MYO5B: variants seen among roughly 807,000 people sequenced by gnomAD.
The protein encoded by MYO5B is unconventional myosin-Vb.
In MYO5B, 143 loss-of-function variants were observed where a neutral mutation model predicts 229.3. That is an observed-to-expected ratio of 0.62 (90% confidence interval 0.54 to 0.72). MYO5B has a LOEUF of 0.72. Among genes scored for constraint, MYO5B ranks in the 30% least tolerant of loss-of-function variants. The pLI, the probability that MYO5B is intolerant of heterozygous loss-of-function variation, is 0.00. For synonymous variants in MYO5B, 918 were observed against 885.2 expected (o/e 1.04, Z -0.66); for missense variants, 2,321 against 2,331.0 (o/e 1.00, Z 0.09).
chr18:49,920,586 A>G (rs1467282297), intron 17 of MYO5B, among the ~76,000 whole-genome samples: 1 of 152,104 alleles, frequency 6.6e-6, no homozygotes, highest in Admixed American at 6.5e-5. Flanking sequence ...AAGGAAACAC[A>G]ATTCCTCCCC....
chr18:49,898,246 A>G (rs1420614105), intron 21 of MYO5B, among the ~76,000 whole-genome samples: 2 of 152,250 alleles, frequency 1.3e-5, no homozygotes, highest in Non-Finnish European at 2.9e-5. Flanking sequence ...ACATATATGC[A>G]TGATTACATA....
Position 49,837,730 on chromosome 18 carries a change from G to A in MYO5B, c.4925C>T (p.Ser1642Phe). Residue 1642 changes from serine (S) to phenylalanine (F), a missense_variant, in exon 37 of 40, where the codon TCC becomes TTC. This residue lies in a region of MYO5B where 208 missense variants were observed against 286.3 expected (regional missense o/e 0.73). Transcript: ENST00000285039. ...GVKPTGYRKRSSSMADGDNSY... is the reference protein window; with the variant it reads ...GVKPTGYRKRFSSMADGDNSY... ...GTTATCCCCATCTGCCATGCTGGAG[G>A]AGCGCTTCCGGTAGCCGGTGGGCTT... The A allele has an allele frequency of 6.2e-7, 1 of 1,614,186 alleles. No homozygotes were observed. The highest frequency in any genetic ancestry group is 8.5e-7 in the Non-Finnish European group (1 of 1,180,036).
intron 25 of MYO5B, 58 bp downstream of exon 25, chr18:49,877,705 G>GA (rs2024542203): frequency 2.5e-6 from 4 of 1,610,808 alleles, no homozygotes; most frequent in Non-Finnish European, 3.4e-6. Context: ...GTTCCACACA[G>GA]AAAAAAACAC....
rs144408151 is a variant in MYO5B at position 50,186,611 on chromosome 18, G to T, written c.27+8156C>A. 1.6e-3 allele frequency among the ~76,000 whole-genome samples: 240 copies of T among 152,204 alleles called. 1 individual carries two copies. Among genetic ancestry groups the T allele is most frequent in the Non-Finnish European group, 2.7e-3 (186 of 68,002 alleles). On this transcript the variant is annotated intron_variant, in intron 1 of 39. Transcript: ENST00000285039. Reference sequence around the variant, plus strand: ...TTCAGGACAGCAGGGAAGGGTTAGGGGAAAAAACATGCTAGCCACATAATG... The same window carrying T: ...TTCAGGACAGCAGGGAAGGGTTAGGTGAAAAAACATGCTAGCCACATAATG...
chr18:49,838,419 C>A (rs919643404), intron 36 of MYO5B, among the ~76,000 whole-genome samples: 4 of 152,152 alleles, frequency 2.6e-5, no homozygotes, highest in Non-Finnish European at 5.9e-5. Flanking sequence ...TATGTCAGTT[C>A]TCCCTCTGTC....
intron 1 of MYO5B, among the ~76,000 whole-genome samples, chr18:50,141,798 C>T (rs2032422251): frequency 6.6e-6 from 1 of 152,206 alleles, no homozygotes; most frequent in East Asian, 1.9e-4. Flanking sequence ...TGACCCTTAA[C>T]AGAGAACCAA....
chr18:49,979,543 AAGG>A (rs2025791984), intron 9 of MYO5B, among the ~76,000 whole-genome samples: 2 of 152,346 alleles, frequency 1.3e-5, no homozygotes, highest in Admixed American at 1.3e-4. Flanking sequence ...AGACAAACAG[AAGG>A]AGGTTAATTT....
chr18:49,982,466 C>A (rs2025826316), intron 8 of MYO5B, among the ~76,000 whole-genome samples: 1 of 152,184 alleles, frequency 6.6e-6, no homozygotes, highest in Non-Finnish European at 1.5e-5. Flanking sequence ...TGAATCCTAA[C>A]AATAGTTAGG....
chr18:49,922,209 G>A (rs1305788944), intron 17 of MYO5B, among the ~76,000 whole-genome samples: 1 of 152,166 alleles, frequency 6.6e-6, no homozygotes, highest in Non-Finnish European at 1.5e-5. Flanking sequence ...ACACCTTGTT[G>A]GGCAGACAGT....
chr18:49,993,842 T>C (rs972647586), intron 5 of MYO5B, among the ~76,000 whole-genome samples: 10 of 152,154 alleles, frequency 6.6e-5, no homozygotes, highest in Non-Finnish European at 5.9e-5. Flanking sequence ...ATACTCCCTG[T>C]ATAAAACGCT....
chr18:49,974,433 G>A lies in MYO5B; in HGVS notation c.1239C>T (p.Phe413=), dbSNP rs753513339. The A allele has an allele frequency of 1.9e-5, 31 of 1,614,026 alleles. No individual in the cohort carries two copies. In the African/African-American group the frequency reaches 2.0e-4, roughly 10 times the overall value. The change falls in exon 10 of 40, where the codon TTC becomes TTT. Residue 413 remains phenylalanine (F), a synonymous_variant. Coordinates refer to ENST00000285039, the MANE Select transcript of MYO5B (RefSeq NM_001080467.3). ...TGTTGATGTGCTCCACAATCCAGCCGAACAACTGGGCATAGATGTGCTTCG... is the reference window on the plus strand; with the variant it reads ...TGTTGATGTGCTCCACAATCCAGCCAAACAACTGGGCATAGATGTGCTTCG... ...ALAKHIYAQL[F]GWIVEHINKA...
intron 4 of MYO5B, among the ~76,000 whole-genome samples, chr18:50,022,273 C>T (rs887163486): frequency 2.6e-5 from 4 of 152,158 alleles, no homozygotes; most frequent in African/African-American, 7.2e-5. Context: ...TGTATAACTC[C>T]GCTGTGATTC....
At chr18:50,015,628 A>T (rs1378076264) in intron 4 of MYO5B, among the ~76,000 whole-genome samples, 1 of 152,218 alleles carries the variant, frequency 6.6e-6, no homozygotes, top group Non-Finnish European at 1.5e-5. Context: ...TGCCCAGGGC[A>T]AGGGAAGCTG....
At chr18:50,094,407 G>C (rs1407166821) in intron 1 of MYO5B, among the ~76,000 whole-genome samples, 1 of 152,112 alleles carries the variant, frequency 6.6e-6, no homozygotes. Flanking sequence ...AAAAATGCTA[G>C]AATTATGGAC....
At chr18:49,931,542 T>C (rs1054663772) in intron 16 of MYO5B, among the ~76,000 whole-genome samples, 4 of 152,012 alleles carry the variant, frequency 2.6e-5, no homozygotes, top group Admixed American at 2.0e-4. Flanking sequence ...AGCCCCTTAG[T>C]GCGAGGGCCT....
intron 1 of MYO5B, among the ~76,000 whole-genome samples, chr18:50,069,766 C>T (rs1172342145): frequency 6.6e-6 from 1 of 152,116 alleles, no homozygotes; most frequent in African/African-American, 2.4e-5. Context: ...CTAAAAAAAA[C>T]TGAACCCAGA....
At chr18:49,860,913 G>A (rs539184080) in intron 29 of MYO5B, among the ~76,000 whole-genome samples, 1 of 152,344 alleles carries the variant, frequency 6.6e-6, no homozygotes, top group Admixed American at 6.5e-5. Context: ...TCATGGTAAT[G>A]GGAATCCCCT....
intron 4 of MYO5B, 96 bp from the exon 5 acceptor site, chr18:50,001,507 G>T (rs2026047049): frequency 1.1e-5 from 15 of 1,418,260 alleles, no homozygotes; most frequent in Non-Finnish European, 1.5e-5. Context: ...CTCACTGGGA[G>T]CATCTCTCCT....
intron 1 of MYO5B, among the ~76,000 whole-genome samples, chr18:50,140,812 A>C (rs1344745553): frequency 6.6e-6 from 1 of 152,210 alleles, no homozygotes; most frequent in Non-Finnish European, 1.5e-5. Flanking sequence ...AATTCACTAG[A>C]AAGACTGATT....
Sources: allele counts gnomAD v4.1 joint callset (sites outside exome capture counted in the v4.1 genomes callset), GRCh38; gene constraint gnomAD v4.1.1; regional missense constraint gnomAD v4.1.1; transcripts MANE v1.5; gene names NCBI Gene and HGNC (gene_info 2026-07-23, HGNC 2026-07-21).